Variants in MYCBP2 observed in about 807,000 individuals in gnomAD.
The protein encoded by MYCBP2 is MYC binding protein 2.
In MYCBP2, 120 loss-of-function variants were observed where a neutral mutation model predicts 525.3. The ratio of observed to expected loss-of-function variants is 0.23; its 90% CI spans 0.20 to 0.27. MYCBP2 has a LOEUF of 0.27. Ranked by LOEUF, MYCBP2 falls within the 10% of genes least tolerant of loss-of-function variation. The pLI, the probability that MYCBP2 is intolerant of heterozygous loss-of-function variation, is 1.00. For synonymous variants in MYCBP2, 1,894 were observed against 1,955.8 expected (o/e 0.97, Z 0.83); for missense variants, 4,149 against 5,657.1 (o/e 0.73, Z 8.55).
chr13:77,214,451 A>G (rs569904893), intron 21 of MYCBP2, among the ~76,000 whole-genome samples: 1 of 124,964 alleles, frequency 8.0e-6, no homozygotes, highest in East Asian at 2.0e-4. Flanking sequence ...ACATGGAGGT[A>G]AAAAAAAAAA....
chr13:77,199,210 G>A (rs564994424), intron 26 of MYCBP2, among the ~76,000 whole-genome samples: 19 of 152,360 alleles, frequency 1.2e-4, no homozygotes, highest in Middle Eastern at 3.4e-3. Context: ...GAAGCAGGGC[G>A]AGGCATTGCC....
intron 57 of MYCBP2, 84 bp from the exon 58 acceptor site, chr13:77,095,686 A>G: frequency 2.7e-6 from 4 of 1,456,358 alleles, no homozygotes; most frequent in Non-Finnish European, 2.8e-6. Context: ...TGAGTTTCCA[A>G]TAAAAATTAT....
At chr13:77,169,779 T>A in intron 38 of MYCBP2, 65 bp from the exon 39 acceptor site, 1 of 1,305,464 alleles carries the variant, frequency 7.7e-7, no homozygotes. Flanking sequence ...ACTGCATACA[T>A]GCTGTACTAA....
Position 77,087,956 on chromosome 13 carries a change from C to T in MYCBP2, c.10726-323G>A, listed in dbSNP as rs74405297. On this transcript the variant is annotated intron_variant, in intron 61 of 82. Coordinates refer to ENST00000544440, the MANE Select transcript of MYCBP2 (RefSeq NM_015057.5). Reference sequence around the variant, plus strand: ...CCACCACACCCAGCTGATTTTAAAACTTTTTTTTTGTAGAAATGAGGTCTC... The same window carrying T: ...CCACCACACCCAGCTGATTTTAAAATTTTTTTTTTGTAGAAATGAGGTCTC... Among the ~76,000 whole-genome samples, 204 of 150,992 alleles carry T rather than the reference C, an allele frequency of 1.4e-3. 2 individuals carry two copies. In the East Asian group the frequency reaches 0.035, roughly 26 times the overall value.
intron 35 of MYCBP2, among the ~76,000 whole-genome samples, chr13:77,176,953 C>A (rs2059763067): frequency 6.6e-6 from 1 of 152,048 alleles, no homozygotes; most frequent in South Asian, 2.1e-4. Context: ...TAGAGATAGA[C>A]TTGCTATTTA....
At chr13:77,111,624 T>C (rs1318223265) in intron 55 of MYCBP2, among the ~76,000 whole-genome samples, 1 of 151,766 alleles carries the variant, frequency 6.6e-6, no homozygotes, top group African/African-American at 2.4e-5. Flanking sequence ...GGGTCTCGCT[T>C]TGTTGTCCAG....
At chr13:77,055,441 C>A in intron 80 of MYCBP2, 117 bp downstream of exon 80, 1 of 842,238 alleles carries the variant, frequency 1.2e-6, no homozygotes, top group South Asian at 1.8e-5. Flanking sequence ...ACCAAGCTAT[C>A]TTATTTTTAA....
chr13:77,202,323 A>G (rs1248839810), intron 26 of MYCBP2, among the ~76,000 whole-genome samples: 1 of 152,118 alleles, frequency 6.6e-6, no homozygotes, highest in Non-Finnish European at 1.5e-5. Flanking sequence ...GGACACATAC[A>G]CTCTCCCAAG....
In MYCBP2 at chr13:77,076,795, T is replaced by C. The variant is rs765273305; in HGVS notation, c.11779A>G (p.Lys3927Glu). The change falls in exon 68 of 83, where the codon AAA becomes GAA. Residue 3927 changes from lysine (K) to glutamate (E), a missense_variant. Around this residue, in one of 21 missense-constraint regions of MYCBP2, gnomAD observed 509 missense variants for 789.4 expected, o/e 0.64. Coordinates refer to ENST00000544440, the MANE Select transcript of MYCBP2 (RefSeq NM_015057.5). ...DAEPTPEQEEKALLSSPEGEE... is the reference protein window; with the variant it reads ...DAEPTPEQEEEALLSSPEGEE... ...CCTTCAGGTGATGACAATAGTGCTTTTTCCTCTTGTTCTGGTGTAGGTTCA... is the reference window on the plus strand; with the variant it reads ...CCTTCAGGTGATGACAATAGTGCTTCTTCCTCTTGTTCTGGTGTAGGTTCA... 5 of 1,613,196 alleles carry C rather than the reference T, an allele frequency of 3.1e-6. No homozygotes were observed. Among genetic ancestry groups the C allele is most frequent in the South Asian group, 1.1e-5 (1 of 90,968 alleles).
At chr13:77,215,001 G>A (rs9600834) in intron 21 of MYCBP2, among the ~76,000 whole-genome samples, 5,108 of 152,000 alleles carry the variant, frequency 0.034, 310 homozygotes, top group African/African-American at 0.11. Context: ...ATCTTCACAA[G>A]AAGAAACACA....
At chr13:77,224,204 A>T (rs1418288795) in intron 20 of MYCBP2, among the ~76,000 whole-genome samples, 2 of 152,090 alleles carry the variant, frequency 1.3e-5, no homozygotes, top group Non-Finnish European at 2.9e-5. Context: ...AATCATAATC[A>T]CTCTCCTATT....
intron 57 of MYCBP2, among the ~76,000 whole-genome samples, chr13:77,096,094 CAG>C (rs905989867): frequency 6.6e-6 from 1 of 151,726 alleles, no homozygotes; most frequent in Non-Finnish European, 1.5e-5. Flanking sequence ...GCATATGTAG[CAG>C]AGGTTATCTA....
At position 77,057,017 on chromosome 13, in the gene MYCBP2, G is replaced by A. The variant is rs2038234438; in HGVS notation, c.13406C>T (p.Thr4469Ile). The change falls in exon 79 of 83, where the codon ACA becomes ATA. Residue 4469 changes from threonine (T) to isoleucine (I), a missense_variant. This residue lies in a region of MYCBP2 where 220 missense variants were observed against 396.0 expected (regional missense o/e 0.56). Transcript: ENST00000544440. The stretch of plus-strand genomic sequence containing the variant: ...AATGGGACAAGATATAAATCCAAAT[G>A]TTATCCTTGGGCCAAGCCATCGATT... Reference protein sequence around the residue: ...LENRWLGPRITFGFISCPICK... With the variant: ...LENRWLGPRIIFGFISCPICK... The A allele has an allele frequency of 6.2e-7, 1 of 1,613,406 alleles. No individual in the cohort carries two copies. The highest frequency in any genetic ancestry group is 1.7e-5 in the Admixed American group (1 of 60,030).
intron 53 of MYCBP2, 124 bp downstream of exon 53, chr13:77,126,189 CAAGTA>C: frequency 1.5e-6 from 1 of 671,368 alleles, no homozygotes; most frequent in Non-Finnish European, 2.4e-6. Flanking sequence ...ATTTGCAATA[CAAGTA>C]AAGATAAAAT....
intron 29 of MYCBP2, among the ~76,000 whole-genome samples, chr13:77,189,814 C>T (rs2061121881): frequency 1.3e-5 from 2 of 151,928 alleles, no homozygotes; most frequent in African/African-American, 4.8e-5. Flanking sequence ...GAAAATTTAC[C>T]AACAGTAGGG....
chr13:77,119,833 T>C (rs1487178286), intron 55 of MYCBP2, among the ~76,000 whole-genome samples: 1 of 152,222 alleles, frequency 6.6e-6, no homozygotes, highest in Non-Finnish European at 1.5e-5. Flanking sequence ...CAAGTGATCC[T>C]GTTGCCTCAG....
chr13:77,200,382 T>C (rs2062360765), intron 26 of MYCBP2, among the ~76,000 whole-genome samples: 1 of 151,964 alleles, frequency 6.6e-6, no homozygotes, highest in South Asian at 2.1e-4. Flanking sequence ...CCAAGAAATA[T>C]GGGACTATGT....
rs750510405 is a variant in MYCBP2 at position 77,139,196 on chromosome 13, G to T, written c.7659C>A (p.Asp2553Glu). The T allele has an allele frequency of 4.2e-5, 67 of 1,612,780 alleles. No individual in the cohort carries two copies. Among genetic ancestry groups the T allele is most frequent in the Non-Finnish European group, 5.5e-5 (65 of 1,179,272 alleles). ...CTTTTTAAAACCACCTTTTACTTAC[G>T]TCAACAGGGACCAGAAGACTCTTGC... is the stretch of plus-strand genomic sequence containing the variant. Reference protein sequence around the residue: ...HLGKSLLVPVDESKTNTDDFF... With the variant: ...HLGKSLLVPVEESKTNTDDFF... The change falls in exon 52 of 83, where the codon GAC (aspartate) becomes GAA (glutamate). Residue 2553 changes from aspartate (D) to glutamate (E), a missense_variant and splice_region_variant. By Grantham distance (45) the Asp-to-Glu change is conservative. Coordinates refer to ENST00000544440, the MANE Select transcript of MYCBP2 (RefSeq NM_015057.5).
At chr13:77,150,469 C>A (rs550559200) in intron 47 of MYCBP2, among the ~76,000 whole-genome samples, 15 of 152,110 alleles carry the variant, frequency 9.9e-5, no homozygotes, top group Non-Finnish European at 1.9e-4. Flanking sequence ...TTCACAGGAA[C>A]TGAAACTCAG....
Sources: allele counts gnomAD v4.1 joint callset (sites outside exome capture counted in the v4.1 genomes callset), GRCh38; gene constraint gnomAD v4.1.1; regional missense constraint gnomAD v4.1.1; transcripts MANE v1.5; gene names NCBI Gene and HGNC (gene_info 2026-07-23, HGNC 2026-07-21).